SDK1: variants seen among roughly 807,000 people sequenced by gnomAD.
The protein encoded by SDK1 is sidekick cell adhesion molecule 1.
SDK1 carries 157 observed loss-of-function variants against 245.5 expected under a neutral mutation model. The ratio of observed to expected loss-of-function variants is 0.64; its 90% CI spans 0.56 to 0.73. SDK1 has a LOEUF of 0.73. Among genes scored for constraint, SDK1 ranks in the 30% least tolerant of loss-of-function variants. The pLI, the probability that SDK1 is intolerant of heterozygous loss-of-function variation, is 0.00. For missense variants in SDK1, 3,583 were observed against 3,002.3 expected, an observed-to-expected ratio of 1.19 and a Z score of -4.52; for synonymous variants, 1,647 against 1,278.5, an observed-to-expected ratio of 1.29 and a Z score of -6.15.
intron 4 of SDK1, among the ~76,000 whole-genome samples, chr7:3,705,310 C>T (rs1323306231): frequency 6.6e-6 from 1 of 151,854 alleles, no homozygotes; most frequent in African/African-American, 2.4e-5. Context: ...CTGATTCTTT[C>T]AATCCATGAG....
chr7:4,065,562 G>A (rs189303719), intron 19 of SDK1, among the ~76,000 whole-genome samples: 2 of 152,156 alleles, frequency 1.3e-5, no homozygotes, highest in African/African-American at 2.4e-5. Flanking sequence ...GCTCACAATT[G>A]TGGGAGGATG....
intron 22 of SDK1, among the ~76,000 whole-genome samples, chr7:4,109,867 A>G (rs1195993790): frequency 6.6e-6 from 1 of 152,112 alleles, no homozygotes; most frequent in East Asian, 1.9e-4. Context: ...TGAAAATGCT[A>G]CTGAGCAGGG....
chr7:3,738,876 T>C (rs1779396551), intron 4 of SDK1, among the ~76,000 whole-genome samples: 1 of 152,288 alleles, frequency 6.6e-6, no homozygotes, highest in South Asian at 2.1e-4. Context: ...TGATTTTGTT[T>C]CCTATCATTT....
chr7:3,667,734 G>C (rs187579692), intron 4 of SDK1, among the ~76,000 whole-genome samples: 62 of 152,208 alleles, frequency 4.1e-4, no homozygotes, highest in African/African-American at 1.4e-3. Flanking sequence ...TTCAGTTCTC[G>C]TAATGCATCT....
chr7:3,852,359 G>A (rs747762984), intron 5 of SDK1, among the ~76,000 whole-genome samples: 6 of 152,100 alleles, frequency 3.9e-5, no homozygotes, highest in South Asian at 4.2e-4. Context: ...TGTGGGTACC[G>A]TGCTGTCACT....
At chr7:4,101,458 A>G (rs981051949) in intron 22 of SDK1, among the ~76,000 whole-genome samples, 1 of 152,124 alleles carries the variant, frequency 6.6e-6, no homozygotes, top group African/African-American at 2.4e-5. Flanking sequence ...AAAAATTTGC[A>G]TTTTTTAAAA....
chr7:4,009,202 G>A (rs531207941), intron 14 of SDK1, among the ~76,000 whole-genome samples: 43 of 152,302 alleles, frequency 2.8e-4, no homozygotes, highest in Non-Finnish European at 4.9e-4. Context: ...GGGAGAGCTC[G>A]TAGTCAGCTG....
intron 1 of SDK1, among the ~76,000 whole-genome samples, chr7:3,571,367 A>G (rs1256241732): frequency 1.3e-5 from 2 of 151,988 alleles, no homozygotes; most frequent in Non-Finnish European, 2.9e-5. Flanking sequence ...CAGTGGCACA[A>G]TCACAGTTCA....
At chr7:3,675,863 A>G (rs561118222) in intron 4 of SDK1, among the ~76,000 whole-genome samples, 1 of 152,080 alleles carries the variant, frequency 6.6e-6, no homozygotes, top group Non-Finnish European at 1.5e-5. Flanking sequence ...CCCTTTGCCT[A>G]CTTTTTAATT....
intron 1 of SDK1, among the ~76,000 whole-genome samples, chr7:3,559,888 A>G (rs972511327): frequency 6.6e-6 from 1 of 152,154 alleles, no homozygotes; most frequent in African/African-American, 2.4e-5. Flanking sequence ...TGCTCCTAGT[A>G]TAGTGCTTGA....
chr7:3,505,048 A>G (rs898021672), intron 1 of SDK1, among the ~76,000 whole-genome samples: 4 of 152,202 alleles, frequency 2.6e-5, no homozygotes, highest in African/African-American at 7.2e-5. Flanking sequence ...TTCTTTTTCT[A>G]TATGGTAAGC....
intron 5 of SDK1, among the ~76,000 whole-genome samples, chr7:3,924,770 T>A: frequency 6.6e-6 from 1 of 152,154 alleles, no homozygotes; most frequent in East Asian, 1.9e-4. Flanking sequence ...TCTTTACCCG[T>A]CGCCCTCCTC....
chr7:3,981,825 G>A (rs1223770945), intron 13 of SDK1, among the ~76,000 whole-genome samples: 9 of 152,290 alleles, frequency 5.9e-5, no homozygotes, highest in South Asian at 4.2e-4. Context: ...GAAAGATGCC[G>A]TCCCCATAAC....
intron 1 of SDK1, among the ~76,000 whole-genome samples, chr7:3,432,124 AAT>A (rs1554270423): frequency 6.8e-6 from 1 of 146,870 alleles, no homozygotes; most frequent in African/African-American, 2.5e-5. Flanking sequence ...AAAAAAAAAA[AAT>A]ATATATATGT....
At chr7:3,566,079 C>T (rs2128627832) in intron 1 of SDK1, among the ~76,000 whole-genome samples, 1 of 151,802 alleles carries the variant, frequency 6.6e-6, no homozygotes, top group Admixed American at 6.6e-5. Flanking sequence ...ATTTAAAATG[C>T]TAATAAAAGA....
chr7:3,554,894 T>G (rs550788998), intron 1 of SDK1, among the ~76,000 whole-genome samples: 1 of 152,188 alleles, frequency 6.6e-6, no homozygotes, highest in South Asian at 2.1e-4. Flanking sequence ...AAAATCCCTG[T>G]AAGGAAAACT....
chr7:3,919,063 A>T (rs1385381755), intron 5 of SDK1, among the ~76,000 whole-genome samples: 2 of 152,246 alleles, frequency 1.3e-5, no homozygotes, highest in Non-Finnish European at 2.9e-5. Context: ...TGAATAATGT[A>T]TGCTATCACT....
intron 5 of SDK1, among the ~76,000 whole-genome samples, chr7:3,826,541 C>T (rs1779780374): frequency 6.6e-6 from 1 of 152,192 alleles, no homozygotes; most frequent in African/African-American, 2.4e-5. Flanking sequence ...TCTGTGCTTT[C>T]TTCCCAGAAA....
intron 22 of SDK1, among the ~76,000 whole-genome samples, chr7:4,099,070 G>T (rs1037030902): frequency 2.6e-5 from 4 of 151,936 alleles, no homozygotes; most frequent in African/African-American, 9.7e-5. Flanking sequence ...AGTGAGCAGG[G>T]TCAGCCAGGA....
Sources: gnomAD v4.1 joint callset for allele counts (sites outside exome capture counted in the v4.1 genomes callset) on GRCh38, gnomAD v4.1.1 for gene constraint, MANE v1.5 for transcripts, NCBI Gene and HGNC (gene_info 2026-07-23, HGNC 2026-07-21) for gene names.